The following ARHGEF3 variants were observed in gnomAD, a reference collection of about 807,000 sequenced individuals.
ARHGEF3 encodes the protein 59.8 kDA protein.
In ARHGEF3, 28 loss-of-function variants were observed where a neutral mutation model predicts 63.2. The observed-to-expected ratio is 0.44, with a 90% confidence interval of 0.33 to 0.61. ARHGEF3 has a LOEUF of 0.61. Ranked by LOEUF, ARHGEF3 falls within the 20% of genes least tolerant of loss-of-function variation. The pLI is 0.03. For missense variants in ARHGEF3, 533 were observed against 659.3 expected, an observed-to-expected ratio of 0.81 and a Z score of 2.10; for synonymous variants, 266 against 254.2, an observed-to-expected ratio of 1.05 and a Z score of -0.44.
intron 2 of ARHGEF3, among the ~76,000 whole-genome samples, chr3:56,961,708 A>G (rs1310617431): frequency 6.6e-6 from 1 of 151,890 alleles, no homozygotes; most frequent in Non-Finnish European, 1.5e-5. Context: ...TCATCCCACC[A>G]CCATTCAGGC....
chr3:56,967,568 ATATATATTATACATAATATATTTAAT>A (rs1560092296), intron 2 of ARHGEF3, among the ~76,000 whole-genome samples: 1 of 91,066 alleles, frequency 1.1e-5, no homozygotes, highest in South Asian at 3.2e-4. Flanking sequence ...ATAATATATA[ATATATATTATACATAATATATTTAAT>A]TATATATTAT....
intron 3 of ARHGEF3, among the ~76,000 whole-genome samples, chr3:56,955,449 T>C (rs965950521): frequency 1.3e-5 from 2 of 152,164 alleles, no homozygotes; most frequent in Non-Finnish European, 2.9e-5. Context: ...ATGATTCTCC[T>C]GCCTCAGCCT....
chr3:56,849,310 T>C lies in ARHGEF3; in HGVS notation c.192+32982A>G, dbSNP rs76765007. On this transcript the variant is annotated intron_variant, in intron 4 of 12. Transcript: ENST00000338458. ...AATTCTGATTTATTTAAAATAAAAA[T>C]TACATGTGTTTGATGAGGTTTTTTC... Among the ~76,000 whole-genome samples the C allele has an allele frequency of 4.4e-3, 676 of 152,322 alleles. 6 individuals carry two copies. The highest frequency in any genetic ancestry group is 0.016 in the African/African-American group (654 of 41,566).
intron 3 of ARHGEF3, chr3:56,882,435 A>G: frequency 8.9e-7 from 1 of 1,127,568 alleles, no homozygotes; most frequent in Non-Finnish European, 1.3e-6. Flanking sequence ...AAGCAATCAA[A>G]TAGCACATGC....
intron 2 of ARHGEF3, among the ~76,000 whole-genome samples, chr3:56,964,809 G>A (rs1484512531): frequency 6.6e-6 from 1 of 152,072 alleles, no homozygotes; most frequent in Non-Finnish European, 1.5e-5. Flanking sequence ...AACAGGTGAT[G>A]AGAAAAGGGA....
intron 4 of ARHGEF3, among the ~76,000 whole-genome samples, chr3:56,826,890 G>T (rs2038732856): frequency 6.6e-6 from 1 of 152,134 alleles, no homozygotes; most frequent in African/African-American, 2.4e-5. Context: ...ACCACATTTG[G>T]ATAGGATAAT....
chr3:57,074,427 G>A, intron 1 of ARHGEF3: 1 of 639,282 alleles, frequency 1.6e-6, no homozygotes, highest in Non-Finnish European at 2.8e-6. Flanking sequence ...AAGCCTCCCT[G>A]TCACACTTCC....
At position 56,755,125 on chromosome 3, in the gene ARHGEF3, G is replaced by C. The variant is rs573414511; in HGVS notation, c.231C>G (p.Ser77Arg). The C allele has an allele frequency of 6.2e-7, 1 of 1,613,650 alleles. No individual in the cohort carries two copies. The highest frequency in any genetic ancestry group is 2.2e-5 in the East Asian group (1 of 44,876). The change falls in exon 3 of 10, where the codon AGC (serine) becomes AGG (arginine). Residue 77 changes from serine to arginine, a missense_variant. By Grantham distance (110) the Ser-to-Arg change is moderately radical (BLOSUM62 -1). This residue lies in a region of ARHGEF3 where 160 missense variants were observed against 157.3 expected (regional missense o/e 1.02). Transcript: ENST00000296315. ...GTCGGGGGGCGAGGATGTCAGGGCG[G>C]CTCTCACTGCGGAAGCTAATGGAGC... is the stretch of plus-strand genomic sequence containing the variant. Reference protein sequence around the residue: ...LQRSISFRSESRPDILAPRPW... With the variant: ...LQRSISFRSERRPDILAPRPW...
At chr3:56,734,590 G>A (rs1304838542) in intron 8 of ARHGEF3, among the ~76,000 whole-genome samples, 1 of 152,128 alleles carries the variant, frequency 6.6e-6, no homozygotes, top group Non-Finnish European at 1.5e-5. Context: ...AAACAAAAAT[G>A]GGAACTGAAT....
intron 3 of ARHGEF3, among the ~76,000 whole-genome samples, chr3:56,927,351 C>A (rs1169441193): frequency 6.6e-6 from 1 of 152,060 alleles, no homozygotes; most frequent in Non-Finnish European, 1.5e-5. Context: ...CCATGTGGCA[C>A]AACAAAAAGC....
chr3:56,834,519 C>G (rs1367669003), intron 4 of ARHGEF3, among the ~76,000 whole-genome samples: 3 of 152,096 alleles, frequency 2.0e-5, no homozygotes, highest in Non-Finnish European at 4.4e-5. Flanking sequence ...AATCCCAGCA[C>G]TTTGGGAGGC....
chr3:57,008,287 G>A (rs1027016649), intron 2 of ARHGEF3, among the ~76,000 whole-genome samples: 22 of 152,218 alleles, frequency 1.4e-4, no homozygotes, highest in African/African-American at 5.3e-4. Flanking sequence ...AACCGAGAAT[G>A]AAGACCACGC....
At chr3:57,041,822 C>T (rs1238596916) in intron 1 of ARHGEF3, among the ~76,000 whole-genome samples, 1 of 152,160 alleles carries the variant, frequency 6.6e-6, no homozygotes, top group Non-Finnish European at 1.5e-5. Flanking sequence ...CCAGAGCCAA[C>T]ATCAGAACTA....
intron 2 of ARHGEF3, among the ~76,000 whole-genome samples, chr3:56,967,627 T>TATAATATATATTAC (rs1700610735): frequency 1.2e-5 from 1 of 86,762 alleles, no homozygotes; most frequent in Non-Finnish European, 2.0e-5. Flanking sequence ...ATATATATTA[T>TATAATATATATTAC]ATAATATATA....
chr3:56,830,365 A>C (rs948317293), intron 4 of ARHGEF3, among the ~76,000 whole-genome samples: 3 of 152,054 alleles, frequency 2.0e-5, no homozygotes, highest in Admixed American at 1.3e-4. Flanking sequence ...CATTTCATGC[A>C]ATCTTCCAAC....
chr3:56,854,538 G>A (rs548619220), intron 4 of ARHGEF3, among the ~76,000 whole-genome samples: 2 of 152,302 alleles, frequency 1.3e-5, no homozygotes, highest in East Asian at 1.9e-4. Flanking sequence ...AGACAGAAAG[G>A]AGGCAGGCAG....
chr3:56,936,020 G>A (rs1422027530), intron 3 of ARHGEF3, among the ~76,000 whole-genome samples: 1 of 152,182 alleles, frequency 6.6e-6, no homozygotes, highest in Non-Finnish European at 1.5e-5. Flanking sequence ...ACTGAACCAA[G>A]AGGTAGAGAA....
rs564173760 is a variant in ARHGEF3 at position 57,028,242 on chromosome 3, C to T, written c.62+6846G>A. 3.8e-3 allele frequency among the ~76,000 whole-genome samples: 502 copies of T among 131,328 alleles called. 4 individuals are homozygous for T. The highest frequency in any genetic ancestry group is 0.014 in the African/African-American group (464 of 34,370). The allele number at this position is 131,328 out of a possible 152,430, so 86.2% of individuals were successfully genotyped here. A position where few individuals can be genotyped will look rare whatever the true frequency, so the allele number is the denominator to read the frequency against. On this transcript the variant is annotated intron_variant, in intron 2 of 12. Coordinates refer to the ARHGEF3 transcript ENST00000338458. ...ATGCTGCTATAAAGACACATGCACACGTATGTTTATTGCAGCATTATTCAC... is the reference window on the plus strand; with the variant it reads ...ATGCTGCTATAAAGACACATGCACATGTATGTTTATTGCAGCATTATTCAC...
chr3:56,905,936 C>T (rs2041670323), intron 3 of ARHGEF3, among the ~76,000 whole-genome samples: 1 of 152,092 alleles, frequency 6.6e-6, no homozygotes, highest in South Asian at 2.1e-4. Flanking sequence ...ACGATCTCAG[C>T]TCACTGCAAC....
Sources: allele counts gnomAD v4.1 joint callset (sites outside exome capture counted in the v4.1 genomes callset), GRCh38; gene constraint gnomAD v4.1.1; regional missense constraint gnomAD v4.1.1; transcripts MANE v1.5; gene names NCBI Gene and HGNC (gene_info 2026-07-23, HGNC 2026-07-21).